RBM5: variants seen among roughly 807,000 people sequenced by gnomAD.
RBM5 encodes the protein RNA-binding protein 5.
RBM5 carries 15 observed loss-of-function variants against 124.6 expected under a neutral mutation model. The observed-to-expected ratio is 0.12, with a 90% CI of 0.08 to 0.19. The LOEUF (loss-of-function observed/expected upper bound fraction) is 0.19. Ranked by LOEUF, RBM5 falls within the 10% of genes least tolerant of loss-of-function variation. The pLI is 1.00. For missense variants in RBM5, 580 were observed against 1,026.5 expected (o/e 0.57, Z 5.94); for synonymous variants, 337 against 361.2 (o/e 0.93, Z 0.76).
chr3:50,100,311 G>A lies in RBM5; in HGVS notation c.410-221G>A. On this transcript the variant is annotated intron_variant, in intron 5 of 24. Coordinates refer to ENST00000347869, the MANE Select transcript of RBM5 (RefSeq NM_005778.4). The surrounding 1 kb of genome is among the most constrained non-coding windows in gnomAD (Gnocchi z 5.1). The stretch of plus-strand genomic sequence containing the variant: ...TTTTTTGACTATAGTCGGTTGCATG[G>A]TTACTTTAAGCGTGGAATCAAATGG... 1 of 551,048 alleles carries A rather than the reference G, an allele frequency of 1.8e-6. No individual in the cohort carries two copies. The highest frequency in any genetic ancestry group is 2.9e-5 in the South Asian group (1 of 34,378). The allele number at this position is 551,048 out of a possible 1,614,324, so 34.1% of individuals were successfully genotyped here. A position where few individuals can be genotyped will look rare whatever the true frequency, so the allele number is the denominator to read the frequency against.
intron 9 of RBM5, 98 bp downstream of exon 9, chr3:50,105,240 C>T: frequency 1.9e-6 from 2 of 1,055,632 alleles, no homozygotes; most frequent in South Asian, 1.5e-5. Flanking sequence ...AACCCTGTCT[C>T]TACTAAAAAT....
intron 17 of RBM5, 157 bp downstream of exon 17, chr3:50,110,927 GT>G: frequency 1.6e-6 from 1 of 616,458 alleles, no homozygotes; most frequent in Non-Finnish European, 2.8e-6. Flanking sequence ...TATGGAGATT[GT>G]AAGTTTTAAT....
chr3:50,113,860 GCATATAGTTGAGA>G, intron 18 of RBM5, 77 bp from the exon 19 acceptor site: 5 of 1,419,536 alleles, frequency 3.5e-6, no homozygotes, highest in Non-Finnish European at 4.8e-6. Flanking sequence ...TTGTTACAGG[GCATATAGTTGAGA>G]TAAGATCCTT....
At chr3:50,116,163 G>A (rs372564610) in intron 22 of RBM5, 183 bp downstream of exon 22, 1 of 595,234 alleles carries the variant, frequency 1.7e-6, no homozygotes, top group East Asian at 2.9e-5. Context: ...GCCTCACATT[G>A]TCCCTTCATC....
Position 50,110,416 on chromosome 3 carries a change from A to G in RBM5, c.1316A>G (p.Gln439Arg). The change falls in exon 16 of 25, where the codon CAG becomes CGG. Residue 439 changes from glutamine (Q) to arginine (R), a missense_variant. By Grantham distance (43) the Gln-to-Arg change is conservative (BLOSUM62 1). Transcript: ENST00000347869. ...CAGCCTAGCACTAGCACAAGTACAC[A>G]GGCCCCAGCCGCTTCCCCTACTGGT... ...EAQPSTSTST[Q>R]APAASPTGVV... The G allele has an allele frequency of 1.2e-6, 2 of 1,614,158 alleles. No homozygotes were observed. The highest frequency in any genetic ancestry group is 1.1e-5 in the South Asian group (1 of 91,066).
At chr3:50,116,727 T>A (rs945405279) in intron 22 of RBM5, 4 of 329,890 alleles carry the variant, frequency 1.2e-5, no homozygotes, top group Non-Finnish European at 2.3e-5. Flanking sequence ...GGTATGCCTG[T>A]CCAAATGCTG....
At chr3:50,093,515 G>C (rs2090747774) in intron 3 of RBM5, among the ~76,000 whole-genome samples, 1 of 151,916 alleles carries the variant, frequency 6.6e-6, no homozygotes, top group Non-Finnish European at 1.5e-5. Context: ...CATAGCAGGA[G>C]GGTCATTTGA....
chr3:50,118,618 C>T lies in RBM5; in HGVS notation c.*162C>T. The T allele has an allele frequency of 8.6e-7, 1 of 1,168,606 alleles. No homozygotes were observed. Among genetic ancestry groups the T allele is most frequent in the Non-Finnish European group, 1.2e-6 (1 of 845,410 alleles). 72.4% of individuals were successfully genotyped at this position (1,168,606 alleles called of 1,614,324 possible). On this transcript the variant is annotated 3_prime_UTR_variant, in exon 25 of 25. Coordinates refer to ENST00000347869, the MANE Select transcript of RBM5 (RefSeq NM_005778.4). ...TTCTCCCTCCCACCTTAAAGAAGTT[C>T]CCCTTATGTGGGTTGCCTGGTGAAT...
chr3:50,097,127 GGCTCACGCCTGTAATCCCAGCACTTTA>G (rs1575306144), intron 4 of RBM5, among the ~76,000 whole-genome samples: 1 of 152,128 alleles, frequency 6.6e-6, no homozygotes, highest in East Asian at 1.9e-4. Context: ...CAGGTGCGGT[GGCTCACGCCTGTAATCCCAGCACTTTA>G]GGATTCTGAG....
At chr3:50,111,085 A>C (rs2091135256) in intron 17 of RBM5, among the ~76,000 whole-genome samples, 1 of 152,166 alleles carries the variant, frequency 6.6e-6, no homozygotes, top group African/African-American at 2.4e-5. Context: ...CAGCCCACCT[A>C]ATCCTCATGC....
chr3:50,104,718 A>C, intron 8 of RBM5: 1 of 276,464 alleles, frequency 3.6e-6, no homozygotes, highest in Non-Finnish European at 6.8e-6. Context: ...ATTTTAGTGT[A>C]CTTAAACAAC....
At chr3:50,113,579 A>G in intron 18 of RBM5, 35 bp downstream of exon 18, 6 of 1,579,596 alleles carry the variant, frequency 3.8e-6, no homozygotes, top group Non-Finnish European at 5.2e-6. Flanking sequence ...TCATTGAGGT[A>G]TTGGGCTGAA....
chr3:50,102,523 C>G (rs1045166441), intron 6 of RBM5: 1 of 152,748 alleles, frequency 6.5e-6, no homozygotes, highest in Non-Finnish European at 1.5e-5. Context: ...AATAGTCCCT[C>G]TTGAGAAAGA....
intron 12 of RBM5, 107 bp downstream of exon 12, chr3:50,107,676 T>TTTTTTTTTTTTTTTTTTTTTTTG: frequency 3.3e-6 from 1 of 304,124 alleles, no homozygotes; most frequent in African/African-American, 7.0e-5. Flanking sequence ...TCTTTTCTTT[T>TTTTTTTTTTTTTTTTTTTTTTTG]TTTTTTTTTT....
chr3:50,114,317 C>G, intron 20 of RBM5, 66 bp downstream of exon 20: 1 of 1,471,650 alleles, frequency 6.8e-7, no homozygotes. Context: ...TAAGGCTCAA[C>G]TGCATCTTGG....
Position 50,110,478 on chromosome 3 carries a change from A to G in RBM5, c.1363+15A>G. The G allele has an allele frequency of 6.2e-7, 1 of 1,605,604 alleles. No individual in the cohort carries two copies. The highest frequency in any genetic ancestry group is 1.7e-5 in the Admixed American group (1 of 59,976). ...TACCAAATATGGTAAGCCAAACCTCATGGGGCTGTTGACAGTTGGAAGGTC... is the reference window on the plus strand; with the variant it reads ...TACCAAATATGGTAAGCCAAACCTCGTGGGGCTGTTGACAGTTGGAAGGTC... On this transcript the variant is annotated intron_variant, in intron 16 of 24. Transcript: ENST00000347869.
rs1447828718 is a variant in RBM5 at position 50,115,612 on chromosome 3, C to G, written c.2019+5C>G. 6.2e-7 allele frequency: 1 copy of G among 1,606,988 alleles called. No individual in the cohort carries two copies. The highest frequency in any genetic ancestry group is 1.7e-5 in the Admixed American group (1 of 57,818). ...CAACTCTCAGACCTTCACAAGGTGG[C>G]CATGCTTCTGAGCTGATCTGAGGGG... On this transcript the variant is annotated splice_donor_5th_base_variant and intron_variant, in intron 21 of 24. Coordinates refer to ENST00000347869, the MANE Select transcript of RBM5 (RefSeq NM_005778.4).
chr3:50,093,995 C>G (rs1443682565), intron 4 of RBM5, 120 bp downstream of exon 4: 12 of 1,117,480 alleles, frequency 1.1e-5, no homozygotes, highest in Non-Finnish European at 1.5e-5. Flanking sequence ...TATCCCTTAT[C>G]CAAAATGCTT....
intron 6 of RBM5, 22 bp from the exon 7 acceptor site, chr3:50,103,061 C>T (rs763806975): frequency 1.6e-5 from 25 of 1,546,400 alleles, no homozygotes; most frequent in Non-Finnish European, 2.2e-5. Context: ...ATGGGAATAA[C>T]TAATTACTTC....
Sources: allele counts gnomAD v4.1 joint callset (sites outside exome capture counted in the v4.1 genomes callset), GRCh38; gene constraint gnomAD v4.1.1; non-coding constraint Gnocchi (gnomAD v3.1); transcripts MANE v1.5; gene names NCBI Gene and HGNC (gene_info 2026-07-23, HGNC 2026-07-21).